The following ACOX2 variants were observed in gnomAD, a reference collection of about 807,000 sequenced individuals.
ACOX2 encodes peroxisomal acyl-coenzyme A oxidase 2.
A neutral mutation model predicts 77.5 loss-of-function variants in ACOX2; 59 were observed. The observed-to-expected ratio is 0.76, with a 90% CI of 0.62 to 0.95. The LOEUF is 0.95. ACOX2 is among the 40% of genes least tolerant of loss of function. ACOX2 has a pLI of 0.00. For synonymous variants in ACOX2, 317 were observed against 340.1 expected, an observed-to-expected ratio of 0.93 and a Z score of 0.75; for missense variants, 837 against 880.4, an observed-to-expected ratio of 0.95 and a Z score of 0.62.
At position 58,515,087 on chromosome 3, in the gene ACOX2, G is replaced by A. The variant is rs190530817; in HGVS notation, c.1850+2119C>T. On this transcript the variant is annotated intron_variant, in intron 13 of 14. Coordinates refer to ENST00000302819, the MANE Select transcript of ACOX2 (RefSeq NM_003500.4). The surrounding 1 kb of genome is among the most constrained non-coding windows in gnomAD (Gnocchi z 4.0). ...CGCCAAGGCTGGAGTGCAGTGGTAC[G>A]ATCTTGGCTCACGGCAGCCTCTGCC... Among the ~76,000 whole-genome samples, 37 of 152,102 alleles carry A rather than the reference G, an allele frequency of 2.4e-4. No homozygotes were observed. The highest frequency in any genetic ancestry group is 1.4e-3 in the Admixed American group (21 of 15,286).
chr3:58,536,416 G>T (rs2063481568), intron 1 of ACOX2, among the ~76,000 whole-genome samples: 1 of 152,170 alleles, frequency 6.6e-6, no homozygotes, highest in South Asian at 2.1e-4. Context: ...TTTATGGAGA[G>T]GATGTGGGCC....
chr3:58,520,979 G>GT (rs2063354129), intron 12 of ACOX2, among the ~76,000 whole-genome samples: 1 of 152,214 alleles, frequency 6.6e-6, no homozygotes, highest in Admixed American at 6.5e-5. Context: ...CTCCCTCCCA[G>GT]GGCTGTGTGG....
rs2063462296 is a variant in ACOX2, at chr3:58,534,208, C to G, written c.324-63G>C. The G allele has an allele frequency of 4.4e-6, 7 of 1,604,340 alleles. No individual in the cohort carries two copies. Among genetic ancestry groups the G allele is most frequent in the Non-Finnish European group, 6.0e-6 (7 of 1,175,780 alleles). ...GAGACAGGGGCCCAGGTACCCCCTG[C>G]CTGAGCAGAGTACAGGAGATAAAGG... On this transcript the variant is annotated intron_variant, in intron 3 of 14. Transcript: ENST00000302819. This position sits in a 1 kb window ranked among gnomAD's most constrained non-coding sequence, Gnocchi z 4.8.
chr3:58,505,281 G>A lies in ACOX2; in HGVS notation c.1989C>T (p.Asn663=). The A allele has an allele frequency of 1.2e-6, 2 of 1,611,930 alleles. No individual in the cohort carries two copies. The highest frequency in any genetic ancestry group is 1.7e-6 in the Non-Finnish European group (2 of 1,179,092). The stretch of plus-strand genomic sequence containing the variant: ...GTCTTATATATTCCTCATAGGCAGG[G>A]TTCTCCTGTTTGTAGAAAGAAACGC... The part of the protein sequence containing the change: ...AQKSPTNTQE[N]PAYEEYIRPL... Residue 663 remains asparagine, a synonymous_variant, in exon 15 of 15, where the codon AAC becomes AAT. Transcript: ENST00000302819. This position sits in a 1 kb window ranked among gnomAD's most constrained non-coding sequence, Gnocchi z 4.4.
intron 13 of ACOX2, among the ~76,000 whole-genome samples, chr3:58,510,709 TACACACAC>T (rs60942766): frequency 0.026 from 186 of 7,224 alleles, 16 homozygotes; most frequent in East Asian, 0.09. Context: ...TATATATATA[TACACACAC>T]ACACACACAC....
At chr3:58,509,630 T>TGTG (rs1480043871) in intron 13 of ACOX2, among the ~76,000 whole-genome samples, 9 of 125,686 alleles carry the variant, frequency 7.2e-5, no homozygotes, top group South Asian at 2.7e-4. Flanking sequence ...TTTTTTTTGA[T>TGTG]ACAGAGTCTC....
In ACOX2 at chr3:58,533,924, A is replaced by G. The variant is rs181115709; in HGVS notation, c.475+70T>C. 9.6e-6 allele frequency: 15 copies of G among 1,566,830 alleles called. No individual in the cohort carries two copies. The African/African-American group carries it at 2.0e-4, about 21-fold the overall frequency. On this transcript the variant is annotated intron_variant, in intron 4 of 14. Transcript: ENST00000302819. This position sits in a 1 kb window ranked among gnomAD's most constrained non-coding sequence, Gnocchi z 5.6. ...GGAGCATATGAACCTATGACTACCT[A>G]GATGTAAATGGGCCCTCTGGAGTTT...
At chr3:58,532,321 T>C (rs904729632) in intron 5 of ACOX2, among the ~76,000 whole-genome samples, 2 of 152,114 alleles carry the variant, frequency 1.3e-5, no homozygotes, top group Non-Finnish European at 2.9e-5. Flanking sequence ...GTCATTTATT[T>C]TCTCTCTCTC....
chr3:58,533,342 A>G lies in ACOX2; in HGVS notation c.583+103T>C. The G allele has an allele frequency of 9.2e-7, 1 of 1,089,836 alleles. No individual in the cohort carries two copies. 67.5% of individuals were successfully genotyped at this position (1,089,836 alleles called of 1,614,324 possible). On this transcript the variant is annotated intron_variant, in intron 5 of 14. Transcript: ENST00000302819. The surrounding 1 kb of genome is among the most constrained non-coding windows in gnomAD (Gnocchi z 5.6). ...CCCAAGGTCAGCAGCCTAGAACAGA[A>G]AATCAATCTGAGGTCTGTTGGACCT...
At chr3:58,506,153 T>C (rs6807633) in intron 14 of ACOX2, among the ~76,000 whole-genome samples, 137,978 of 152,248 alleles carry the variant, frequency 0.91, 62,654 homozygotes, top group East Asian at 1. Flanking sequence ...TGGCACAAAG[T>C]ATGTACTTAG....
rs964317717 is a variant in ACOX2, at chr3:58,524,804, A to C, written c.1347-199T>G. On this transcript the variant is annotated intron_variant, in intron 10 of 14. Coordinates refer to ENST00000302819, the MANE Select transcript of ACOX2 (RefSeq NM_003500.4). The surrounding 1 kb of genome is among the most constrained non-coding windows in gnomAD (Gnocchi z 5.5). The stretch of plus-strand genomic sequence containing the variant: ...TGCCTCGAGGCCCTCAGTCAGGCAT[A>C]TCCCAGGACCTGTGGAGCTGGGCCA... Among the ~76,000 whole-genome samples the C allele has an allele frequency of 6.6e-6, 1 of 152,080 alleles. No individual in the cohort carries two copies. Among genetic ancestry groups the C allele is most frequent in the African/African-American group, 2.4e-5 (1 of 41,388 alleles).
At position 58,514,917 on chromosome 3, in the gene ACOX2, C is replaced by T. The variant is rs1277441188; in HGVS notation, c.1850+2289G>A. 6.6e-6 allele frequency among the ~76,000 whole-genome samples: 1 copy of T among 152,190 alleles called. No individual in the cohort carries two copies. Among genetic ancestry groups the T allele is most frequent in the Non-Finnish European group, 1.5e-5 (1 of 68,042 alleles). On this transcript the variant is annotated intron_variant, in intron 13 of 14. Coordinates refer to ENST00000302819, the MANE Select transcript of ACOX2 (RefSeq NM_003500.4). The surrounding 1 kb of genome is among the most constrained non-coding windows in gnomAD (Gnocchi z 4.3). Reference sequence around the variant, plus strand: ...GAACTGTGCAGTACTTAATTATGCTCTTAATAGTTTTCACCACTGGATTCC... The same window carrying T: ...GAACTGTGCAGTACTTAATTATGCTTTTAATAGTTTTCACCACTGGATTCC...
rs1314939660 is a variant in ACOX2 at position 58,505,833 on chromosome 3, C to T, written c.1984-547G>A. ...TTGGAGACAGTATTGCTCTGTTGCCCAGGCTGGAGTGCAGTGGTGCGATTT... is the reference window on the plus strand; with the variant it reads ...TTGGAGACAGTATTGCTCTGTTGCCTAGGCTGGAGTGCAGTGGTGCGATTT... On this transcript the variant is annotated intron_variant, in intron 14 of 14. Coordinates refer to ENST00000302819, the MANE Select transcript of ACOX2 (RefSeq NM_003500.4). The surrounding 1 kb of genome is among the most constrained non-coding windows in gnomAD (Gnocchi z 4.4). 2.0e-5 allele frequency among the ~76,000 whole-genome samples: 3 copies of T among 152,098 alleles called. No individual in the cohort carries two copies. The highest frequency in any genetic ancestry group is 2.0e-4 in the Admixed American group (3 of 15,266).
At chr3:58,510,693 T>C (rs1576986843) in intron 13 of ACOX2, among the ~76,000 whole-genome samples, 1 of 17,724 alleles carries the variant, frequency 5.6e-5, no homozygotes, top group African/African-American at 2.5e-4. Context: ...TATATATATA[T>C]ATATATATAT....
Position 58,519,507 on chromosome 3 carries a change from G to C in ACOX2, c.1633-2084C>G, listed in dbSNP as rs1369357402. 6.6e-6 allele frequency among the ~76,000 whole-genome samples: 1 copy of C among 152,184 alleles called. No homozygotes were observed. The highest frequency in any genetic ancestry group is 2.4e-5 in the African/African-American group (1 of 41,446). Reference sequence around the variant, plus strand: ...AAGGCTGTACTTTCAGGAAGCTGCAGGCAATTTAATGAGGCTGAAGTGTGG... The same window carrying C: ...AAGGCTGTACTTTCAGGAAGCTGCACGCAATTTAATGAGGCTGAAGTGTGG... On this transcript the variant is annotated intron_variant, in intron 12 of 14. Coordinates refer to ENST00000302819, the MANE Select transcript of ACOX2 (RefSeq NM_003500.4). This position sits in a 1 kb window ranked among gnomAD's most constrained non-coding sequence, Gnocchi z 5.0.
At chr3:58,536,940 G>A (rs981426062) in intron 1 of ACOX2, among the ~76,000 whole-genome samples, 179 bp downstream of exon 1, 4 of 152,172 alleles carry the variant, frequency 2.6e-5, no homozygotes, top group South Asian at 4.2e-4. Flanking sequence ...CAAGAGGGCC[G>A]GGATCTTTGT....
At position 58,533,583 on chromosome 3, in the gene ACOX2, G is replaced by T; in HGVS notation, c.476-31C>A. On this transcript the variant is annotated intron_variant, in intron 4 of 14. Transcript: ENST00000302819. The surrounding 1 kb of genome is among the most constrained non-coding windows in gnomAD (Gnocchi z 5.6). ...GATCAAGGAGAGGTGTTAGACATTG[G>T]CCTGAGGTGGGGTTCTTACCTGTGA... The T allele has an allele frequency of 6.2e-7, 1 of 1,604,204 alleles. No individual in the cohort carries two copies. The highest frequency in any genetic ancestry group is 8.5e-7 in the Non-Finnish European group (1 of 1,171,274).
At position 58,534,644 on chromosome 3, in the gene ACOX2, G is replaced by A. The variant is rs1560222527; in HGVS notation, c.161-122C>T. On this transcript the variant is annotated intron_variant, in intron 2 of 14. Transcript: ENST00000302819. The surrounding 1 kb of genome is among the most constrained non-coding windows in gnomAD (Gnocchi z 4.8). ...AGTCAGACATTATTGTTATTTTACAGATGACAAAACTGAGGACCAAGGTGG... is the reference window on the plus strand; with the variant it reads ...AGTCAGACATTATTGTTATTTTACAAATGACAAAACTGAGGACCAAGGTGG... The A allele has an allele frequency of 6.4e-7, 1 of 1,568,180 alleles. No individual in the cohort carries two copies. Among genetic ancestry groups the A allele is most frequent in the African/African-American group, 1.3e-5 (1 of 74,292 alleles).
At position 58,526,504 on chromosome 3, in the gene ACOX2, G is replaced by A. The variant is rs769932022; in HGVS notation, c.1308C>T (p.Tyr436=). ...GGTAGAGCACTGTGTTCTCACCCTCGTAGGTACAGGAGGCCGACAATTTGG... is the reference window on the plus strand; with the variant it reads ...GGTAGAGCACTGTGTTCTCACCCTCATAGGTACAGGAGGCCGACAATTTGG... The part of the protein sequence containing the change: ...LVTKLSASCT[Y]EGENTVLYLQ... Residue 436 remains tyrosine (Y), a synonymous_variant, in exon 10 of 15, where the codon TAC becomes TAT. Coordinates refer to ENST00000302819, the MANE Select transcript of ACOX2 (RefSeq NM_003500.4). This position sits in a 1 kb window ranked among gnomAD's most constrained non-coding sequence, Gnocchi z 4.3. 1.3e-5 allele frequency: 21 copies of A among 1,614,164 alleles called. No homozygotes were observed. In the South Asian group the frequency reaches 1.6e-4, roughly 13 times the overall value.
Sources: allele counts gnomAD v4.1 joint callset (sites outside exome capture counted in the v4.1 genomes callset), GRCh38; gene constraint gnomAD v4.1.1; non-coding constraint Gnocchi (gnomAD v3.1); transcripts MANE v1.5; gene names NCBI Gene and HGNC (gene_info 2026-07-23, HGNC 2026-07-21).